The following CMYA5 variants were observed in gnomAD, a reference collection of about 807,000 sequenced individuals.
The protein encoded by CMYA5 is cardiomyopathy associated 5, also known as cardiomyopathy-associated protein 5.
CMYA5 carries 246 observed loss-of-function variants against 318.9 expected under a neutral mutation model. The ratio of observed to expected loss-of-function variants is 0.77; its 90% CI spans 0.70 to 0.86. CMYA5 has a LOEUF of 0.86. CMYA5 is among the 40% of genes least tolerant of loss of function. The pLI is 0.00. For missense variants in CMYA5, 4,589 were observed against 4,678.2 expected, an observed-to-expected ratio of 0.98 and a Z score of 0.56; for synonymous variants, 1,641 against 1,729.5, an observed-to-expected ratio of 0.95 and a Z score of 1.27.
Position 79,799,808 on chromosome 5 carries a change from A to C in CMYA5, c.*192A>C. 1.9e-6 allele frequency: 1 copy of C among 530,818 alleles called. No individual in the cohort carries two copies. The highest frequency in any genetic ancestry group is 3.1e-6 in the Non-Finnish European group (1 of 322,756). 32.9% of individuals were successfully genotyped at this position (530,818 alleles called of 1,614,324 possible). The stretch of plus-strand genomic sequence containing the variant: ...GACTTTACAGAGCAGTGTGTGAGTA[A>C]ACAGAATGAAAACAACAACCTCCAC... On this transcript the variant is annotated 3_prime_UTR_variant, in exon 13 of 13. Coordinates refer to ENST00000446378, the MANE Select transcript of CMYA5 (RefSeq NM_153610.5).
chr5:79,760,802 C>A (rs1452921660), intron 7 of CMYA5, among the ~76,000 whole-genome samples: 1 of 152,144 alleles, frequency 6.6e-6, no homozygotes, highest in Non-Finnish European at 1.5e-5. Flanking sequence ...GTGAAAATTG[C>A]AGACACAGAT....
Position 79,747,222 on chromosome 5 carries a change from G to A in CMYA5, c.10991+109G>A, listed in dbSNP as rs191583893. 10 of 995,608 alleles carry A rather than the reference G, an allele frequency of 1.0e-5. No individual in the cohort carries two copies. In the East Asian group the frequency reaches 2.9e-4, roughly 29 times the overall value. 61.7% of individuals were successfully genotyped at this position (995,608 alleles called of 1,614,324 possible). ...AGCTGCCAATTAAAAAATGCATTTA[G>A]TGGGCTACAGTATTTTCACTTTTAG... On this transcript the variant is annotated intron_variant, in intron 5 of 12. Transcript: ENST00000446378.
At chr5:79,743,970 C>A in intron 3 of CMYA5, 48 bp downstream of exon 3, 5 of 942,364 alleles carry the variant, frequency 5.3e-6, no homozygotes, top group Non-Finnish European at 8.0e-6. Context: ...TTCACAGTAT[C>A]AGAAGTAAAT....
chr5:79,786,041 G>T (rs965564382), intron 9 of CMYA5, among the ~76,000 whole-genome samples: 5 of 152,180 alleles, frequency 3.3e-5, no homozygotes, highest in African/African-American at 1.2e-4. Flanking sequence ...TCGCAGAGCA[G>T]CCCAAGGCCT....
intron 1 of CMYA5, among the ~76,000 whole-genome samples, chr5:79,726,410 A>C (rs747905375): frequency 3.9e-4 from 59 of 152,204 alleles, no homozygotes; most frequent in Non-Finnish European, 7.2e-4. Flanking sequence ...AATAGCTTTA[A>C]TTAGGTATGT....
At chr5:79,700,811 T>C (rs1162728678) in intron 1 of CMYA5, among the ~76,000 whole-genome samples, 4 of 152,098 alleles carry the variant, frequency 2.6e-5, no homozygotes, top group Non-Finnish European at 5.9e-5. Flanking sequence ...CAAGCACAGA[T>C]AGACAAATAT....
rs899208238 is a variant in CMYA5 at position 79,753,258 on chromosome 5, C to T, written c.11110+464C>T. Among the ~76,000 whole-genome samples, 3 of 152,242 alleles carry T rather than the reference C, an allele frequency of 2.0e-5. No individual in the cohort carries two copies. The East Asian group carries it at 5.8e-4, about 29-fold the overall frequency. ...AAACTAAACAGATGAGCTTAGAGAACTATCAGCTCAGCACCATGGTCTGTA... is the reference window on the plus strand; with the variant it reads ...AAACTAAACAGATGAGCTTAGAGAATTATCAGCTCAGCACCATGGTCTGTA... On this transcript the variant is annotated intron_variant, in intron 6 of 12. Transcript: ENST00000446378.
Position 79,793,620 on chromosome 5 carries a change from C to A in CMYA5, c.11963+10C>A. The A allele has an allele frequency of 6.3e-7, 1 of 1,582,634 alleles. No homozygotes were observed. Among genetic ancestry groups the A allele is most frequent in the Non-Finnish European group, 8.7e-7 (1 of 1,155,658 alleles). On this transcript the variant is annotated intron_variant, in intron 12 of 12. Transcript: ENST00000446378. ...GCTCTGAGCCACAGAGGTAAGCGAG[C>A]CCTTCCCCTCCCCTCTTCATCAAAA...
intron 1 of CMYA5, among the ~76,000 whole-genome samples, chr5:79,698,370 G>C (rs1273115748): frequency 6.6e-6 from 1 of 152,052 alleles, no homozygotes. Flanking sequence ...CATCCTGGCT[G>C]TGCCACTTAC....
At chr5:79,776,794 T>A (rs1828947101) in intron 9 of CMYA5, among the ~76,000 whole-genome samples, 1 of 152,086 alleles carries the variant, frequency 6.6e-6, no homozygotes, top group African/African-American at 2.4e-5. Context: ...TAAAAAACAA[T>A]ACCTATTTAG....
In CMYA5 at chr5:79,731,803, T is replaced by C; in HGVS notation, c.3038T>C (p.Ile1013Thr). ...CAAGTTTCAATCCCTCCCTTTAGAA[T>C]CTCAGAAACAGAGAAAAATGAACTT... ...ASQVSIPPFR[I>T]SETEKNELEP... Residue 1013 changes from isoleucine (I) to threonine (T), a missense_variant, in exon 2 of 13, where the codon ATC becomes ACC. Transcript: ENST00000446378. 1.2e-6 allele frequency: 2 copies of C among 1,612,948 alleles called. No individual in the cohort carries two copies. Among genetic ancestry groups the C allele is most frequent in the Non-Finnish European group, 8.5e-7 (1 of 1,179,588 alleles).
Position 79,732,971 on chromosome 5 carries a change from A to G in CMYA5, c.4206A>G (p.Pro1402=). The change falls in exon 2 of 13, where the codon CCA becomes CCG. Residue 1402 remains proline (P), a synonymous_variant. Coordinates refer to ENST00000446378, the MANE Select transcript of CMYA5 (RefSeq NM_153610.5). ...GKGELGSGLP[P]LVTSADEHSV... ...GTGAATTAGGAAGTGGTTTGCCACC[A>G]CTGGTAACATCTGCAGATGAACATT... The G allele has an allele frequency of 6.2e-7, 1 of 1,613,486 alleles. No individual in the cohort carries two copies. Among genetic ancestry groups the G allele is most frequent in the African/African-American group, 1.3e-5 (1 of 75,056 alleles).
chr5:79,786,908 A>G lies in CMYA5; in HGVS notation c.11556-2063A>G, dbSNP rs373397016. On this transcript the variant is annotated intron_variant, in intron 9 of 12. Coordinates refer to ENST00000446378, the MANE Select transcript of CMYA5 (RefSeq NM_153610.5). ...CTGCTTTTATTTCACAGATTCAATGAGGACATTGTGCACATTTGTCAAATC... is the reference window on the plus strand; with the variant it reads ...CTGCTTTTATTTCACAGATTCAATGGGGACATTGTGCACATTTGTCAAATC... Among the ~76,000 whole-genome samples, 16 of 152,344 alleles carry G rather than the reference A, an allele frequency of 1.1e-4. No homozygotes were observed. The East Asian group carries it at 2.7e-3, about 26-fold the overall frequency.
Position 79,789,056 on chromosome 5 carries a change from G to C in CMYA5, c.11641G>C (p.Ala3881Pro). Residue 3881 changes from alanine to proline, a missense_variant, in exon 10 of 13, where the codon GCA (alanine) becomes CCA (proline). By Grantham distance (27) the Ala-to-Pro change is conservative (BLOSUM62 -1). This residue lies in a region of CMYA5 where 2,431 missense variants were observed against 2,495.1 expected (regional missense o/e 0.97). Coordinates refer to ENST00000446378, the MANE Select transcript of CMYA5 (RefSeq NM_153610.5). ...NYFFYVRAIN[A>P]FGTSEQSEAA... Reference sequence around the variant, plus strand: ...CTTTTTCTATGTGAGGGCCATCAATGCATTTGGGACAAGTGAACAGAGTGA... The same window carrying C: ...CTTTTTCTATGTGAGGGCCATCAATCCATTTGGGACAAGTGAACAGAGTGA... 1 of 1,613,966 alleles carries C rather than the reference G, an allele frequency of 6.2e-7. No individual in the cohort carries two copies.
chr5:79,748,624 C>T (rs961437962), intron 5 of CMYA5, among the ~76,000 whole-genome samples: 42 of 152,218 alleles, frequency 2.8e-4, no homozygotes, highest in African/African-American at 1.0e-3. Context: ...CTCACTGCAA[C>T]CTCCACCTCC....
chr5:79,734,921 G>A lies in CMYA5; in HGVS notation c.6156G>A (p.Val2052=), dbSNP rs1828016848. 11 of 1,613,842 alleles carry A rather than the reference G, an allele frequency of 6.8e-6. No homozygotes were observed. The East Asian group carries it at 2.5e-4, about 36-fold the overall frequency. ...CTGAAAGATTCTTCCAGAAACCAGT[G>A]TCTGGCCTATCAGTGGAACAGGTGA... ...LPPERFFQKP[V]SGLSVEQVKS... is the part of the protein sequence containing the mutation. Residue 2052 remains valine (V), a synonymous_variant, in exon 2 of 13, where the codon GTG becomes GTA. Coordinates refer to ENST00000446378, the MANE Select transcript of CMYA5 (RefSeq NM_153610.5).
intron 9 of CMYA5, among the ~76,000 whole-genome samples, chr5:79,772,891 G>A (rs181534912): frequency 3.2e-4 from 49 of 152,230 alleles, no homozygotes; most frequent in Admixed American, 1.8e-3. Context: ...ATTTAACTAC[G>A]ATCTGTGTAG....
rs941827615 is a variant in CMYA5, at chr5:79,745,509, A to C, written c.10968+54A>C. On this transcript the variant is annotated intron_variant, in intron 4 of 12. Transcript: ENST00000446378. ...ACCTTGCGCCCACTCTGGCACATCT[A>C]CTTTTAAAGCTTCATTTTTCACTAT... 3.7e-6 allele frequency: 4 copies of C among 1,083,326 alleles called. No individual in the cohort carries two copies. The African/African-American group carries it at 6.3e-5, about 17-fold the overall frequency. The allele number at this position is 1,083,326 out of a possible 1,614,324, so 67.1% of individuals were successfully genotyped here.
At chr5:79,784,949 A>G (rs952427161) in intron 9 of CMYA5, among the ~76,000 whole-genome samples, 1 of 151,198 alleles carries the variant, frequency 6.6e-6, no homozygotes, top group Non-Finnish European at 1.5e-5. Flanking sequence ...CAGTAATTTC[A>G]TTTTTAAAAA....
Sources: gnomAD v4.1 joint callset for allele counts (sites outside exome capture counted in the v4.1 genomes callset) on GRCh38, gnomAD v4.1.1 for gene constraint, gnomAD v4.1.1 regional missense constraint, MANE v1.5 for transcripts, NCBI Gene and HGNC (gene_info 2026-07-23, HGNC 2026-07-21) for gene names.